SAMD12: variants seen among roughly 807,000 people sequenced by gnomAD.
The protein encoded by SAMD12 is sterile alpha motif domain-containing protein 12.
A neutral mutation model predicts 15.0 loss-of-function variants in SAMD12; 9 were observed. The ratio of observed to expected loss-of-function variants is 0.60; its 90% CI spans 0.36 to 1.05. SAMD12 has a LOEUF of 1.05. Ranked by LOEUF, SAMD12 falls within the 50% of genes least tolerant of loss-of-function variation. SAMD12 has a pLI of 0.01. For missense variants in SAMD12, 230 were observed against 234.2 expected, an observed-to-expected ratio of 0.98 and a Z score of 0.12; for synonymous variants, 86 against 90.1, an observed-to-expected ratio of 0.96 and a Z score of 0.25.
intron 4 of SAMD12, among the ~76,000 whole-genome samples, chr8:118,294,015 C>G (rs899203418): frequency 3.3e-5 from 5 of 152,214 alleles, no homozygotes; most frequent in African/African-American, 1.2e-4. Flanking sequence ...GCAAAACTGA[C>G]TTAGCTTAGC....
At chr8:118,432,591 T>G (rs572228765) in intron 3 of SAMD12, among the ~76,000 whole-genome samples, 417 of 152,304 alleles carry the variant, frequency 2.7e-3, no homozygotes, top group African/African-American at 9.6e-3. Flanking sequence ...CAACTTACTG[T>G]GATAAGTCTT....
intron 1 of SAMD12, among the ~76,000 whole-genome samples, chr8:118,592,525 AATAATG>A (rs1284597350): frequency 6.6e-6 from 1 of 152,208 alleles, no homozygotes; most frequent in Non-Finnish European, 1.5e-5. Flanking sequence ...ATAAGATTAG[AATAATG>A]ATAACTTCTT....
chr8:118,466,072 C>A (rs184269030), intron 2 of SAMD12, among the ~76,000 whole-genome samples: 1 of 152,122 alleles, frequency 6.6e-6, no homozygotes, highest in Non-Finnish European at 1.5e-5. Context: ...CAAACAAATA[C>A]TCTATTACAC....
intron 4 of SAMD12, among the ~76,000 whole-genome samples, chr8:118,213,612 T>A (rs1469751566): frequency 6.6e-6 from 1 of 152,196 alleles, no homozygotes; most frequent in Non-Finnish European, 1.5e-5. Context: ...AATTGTTGTT[T>A]TGAGCCTCTC....
intron 4 of SAMD12, among the ~76,000 whole-genome samples, chr8:118,354,548 A>C (rs1032064555): frequency 1.3e-5 from 2 of 152,166 alleles, no homozygotes; most frequent in African/African-American, 4.8e-5. Flanking sequence ...TACTGATGCT[A>C]TGCTCTTCAG....
At chr8:118,580,600 A>G in intron 2 of SAMD12, 115 bp downstream of exon 2, 1 of 708,722 alleles carries the variant, frequency 1.4e-6, no homozygotes, top group Non-Finnish European at 2.5e-6. Flanking sequence ...TGCTCATTTG[A>G]CCACAGATAC....
chr8:118,383,426 G>C (rs1301969346), intron 3 of SAMD12, among the ~76,000 whole-genome samples: 1 of 152,290 alleles, frequency 6.6e-6, no homozygotes, highest in East Asian at 1.9e-4. Flanking sequence ...TAAGGAGGAA[G>C]CAAGAGTTAG....
chr8:118,472,929 A>C lies in SAMD12; in HGVS notation c.193-32968T>G, dbSNP rs188964647. Among the ~76,000 whole-genome samples, 241 of 150,774 alleles carry C rather than the reference A, an allele frequency of 1.6e-3. 1 individual carries two copies. Among genetic ancestry groups the C allele is most frequent in the African/African-American group, 5.4e-3 (221 of 41,122 alleles). ...AAATTGTCTCAAAATGGTCTGTCCT[A>C]GGAGGAGTGCTAGGTATTTCCCAGT... On this transcript the variant is annotated intron_variant, in intron 2 of 3. Coordinates refer to ENST00000314727, the MANE Select transcript of SAMD12 (RefSeq NM_207506.3).
intron 1 of SAMD12, among the ~76,000 whole-genome samples, chr8:118,593,306 T>C (rs532675671): frequency 8.5e-5 from 13 of 152,226 alleles, no homozygotes; most frequent in Middle Eastern, 3.4e-3. Context: ...AATGGAGCCA[T>C]TGATAAGTAT....
intron 4 of SAMD12, among the ~76,000 whole-genome samples, chr8:118,253,461 G>A (rs1346230175): frequency 6.6e-6 from 1 of 152,172 alleles, no homozygotes; most frequent in African/African-American, 2.4e-5. Flanking sequence ...TAAATAGAAT[G>A]TCCTACCTTT....
the SAMD12 span, among the ~76,000 whole-genome samples, chr8:118,184,175 AAT>A: frequency 0.032 from 4,840 of 152,320 alleles, 105 homozygotes; most frequent in South Asian, 0.077. Context: ...AATAAAAAAA[AAT>A]ATATAAAACC....
chr8:118,598,332 T>C (rs562939004), intron 1 of SAMD12, among the ~76,000 whole-genome samples: 1 of 152,306 alleles, frequency 6.6e-6, no homozygotes, highest in Non-Finnish European at 1.5e-5. Flanking sequence ...GGTGGGGTCT[T>C]AATCTAATAT....
intron 4 of SAMD12, among the ~76,000 whole-genome samples, chr8:118,286,019 G>A (rs972622213): frequency 1.3e-5 from 2 of 152,068 alleles, no homozygotes; most frequent in African/African-American, 4.8e-5. Context: ...CCTTTGTAGG[G>A]ACATGGATGA....
At chr8:118,313,097 C>A (rs1447122797) in intron 4 of SAMD12, among the ~76,000 whole-genome samples, 1 of 152,100 alleles carries the variant, frequency 6.6e-6, no homozygotes, top group Non-Finnish European at 1.5e-5. Context: ...GCCACTGGTA[C>A]AAAACCATTA....
chr8:118,451,302 A>G (rs1242583090), intron 2 of SAMD12, among the ~76,000 whole-genome samples: 1 of 152,170 alleles, frequency 6.6e-6, no homozygotes, highest in Non-Finnish European at 1.5e-5. Context: ...TCCTTAATGA[A>G]TTAAGATAAA....
chr8:118,266,149 C>T (rs1014896108), intron 4 of SAMD12, among the ~76,000 whole-genome samples: 1 of 152,110 alleles, frequency 6.6e-6, no homozygotes, highest in Non-Finnish European at 1.5e-5. Flanking sequence ...GCCATCAGAT[C>T]TTGTGAGAAC....
chr8:118,420,187 C>T (rs1434002794), intron 3 of SAMD12, among the ~76,000 whole-genome samples: 2 of 152,120 alleles, frequency 1.3e-5, no homozygotes, highest in African/African-American at 4.8e-5. Flanking sequence ...TATCAAGGTA[C>T]AAATTGCTAG....
chr8:118,614,981 A>G (rs370731789), intron 1 of SAMD12, among the ~76,000 whole-genome samples: 1 of 152,200 alleles, frequency 6.6e-6, no homozygotes, highest in African/African-American at 2.4e-5. Context: ...TGGTTTCAAA[A>G]GGACCATATG....
rs535422909 is a variant in SAMD12, at chr8:118,468,256, T to G, written c.193-28295A>C. Among the ~76,000 whole-genome samples the G allele has an allele frequency of 7.9e-5, 12 of 152,252 alleles. No homozygotes were observed. The South Asian group carries it at 2.5e-3, about 32-fold the overall frequency. ...GCCAAAAAGTGTATCATCATAATCT[T>G]TGGCAGATTCACCAGGTGGTAACAT... On this transcript the variant is annotated intron_variant, in intron 2 of 3. Coordinates refer to ENST00000314727, the MANE Select transcript of SAMD12 (RefSeq NM_207506.3).
Sources: allele counts gnomAD v4.1 joint callset (sites outside exome capture counted in the v4.1 genomes callset), GRCh38; gene constraint gnomAD v4.1.1; transcripts MANE v1.5; gene names NCBI Gene and HGNC (gene_info 2026-07-23, HGNC 2026-07-21).